NT5DC3: variants seen among roughly 807,000 people sequenced by gnomAD.
The protein encoded by NT5DC3 is 5'-nucleotidase domain-containing protein 3.
A neutral mutation model predicts 67.8 loss-of-function variants in NT5DC3; 42 were observed. That is an observed-to-expected ratio of 0.62 (90% CI 0.48 to 0.80). The LOEUF is 0.80. Ranked by LOEUF, NT5DC3 falls within the 30% of genes least tolerant of loss-of-function variation. NT5DC3 has a pLI of 0.00. For synonymous variants in NT5DC3, 237 were observed against 255.6 expected (o/e 0.93, Z 0.69); for missense variants, 570 against 696.4 (o/e 0.82, Z 2.04).
At chr12:103,750,658 G>T in the NT5DC3 span, 1 of 1,614,210 alleles carries the variant, frequency 6.2e-7, no homozygotes, top group Non-Finnish European at 8.5e-7. Context: ...CCCATTGACC[G>T]CTGCTTACAG....
chr12:103,821,780 C>T (rs779413929), intron 1 of NT5DC3: 2 of 152,180 alleles, frequency 1.3e-5, no homozygotes, highest in Non-Finnish European at 2.9e-5. Flanking sequence ...ACTTTTTAAC[C>T]TGGTATCAAA....
intron 1 of NT5DC3, among the ~76,000 whole-genome samples, chr12:103,831,533 AC>A (rs1887924917): frequency 6.6e-6 from 1 of 152,070 alleles, no homozygotes; most frequent in South Asian, 2.1e-4. Context: ...CTGCCCCCCC[AC>A]ACACAGAAAA....
At chr12:103,768,777 G>A (rs1364061124), downstream of NT5DC3, 1 of 151,388 alleles carries the variant, frequency 6.6e-6, no homozygotes, top group Non-Finnish European at 1.5e-5. Context: ...GTTTGTTGAG[G>A]ATGAAGTATC....
the NT5DC3 span, among the ~76,000 whole-genome samples, chr12:103,751,036 T>C: frequency 7.9e-5 from 12 of 152,176 alleles, no homozygotes; most frequent in Admixed American, 1.3e-4. Context: ...GCATGGGCAA[T>C]AGGACATCTT....
chr12:103,769,737 C>T (rs1885140427), downstream of NT5DC3, among the ~76,000 whole-genome samples: 1 of 152,254 alleles, frequency 6.6e-6, no homozygotes, highest in African/African-American at 2.4e-5. Flanking sequence ...AGCCTCTACC[C>T]AACATCTCTT....
chr12:103,750,452 C>G, the NT5DC3 span: 1 of 1,201,148 alleles, frequency 8.3e-7, no homozygotes, highest in Non-Finnish European at 1.2e-6. Flanking sequence ...TCCCACTGGA[C>G]AGGAAAGGCA....
intron 1 of NT5DC3, among the ~76,000 whole-genome samples, chr12:103,815,436 G>A (rs955387359): frequency 3.9e-5 from 6 of 152,128 alleles, no homozygotes; most frequent in Admixed American, 2.0e-4. Flanking sequence ...GGTTTTGGGG[G>A]ATTGAGATAA....
At chr12:103,755,167 C>A in the NT5DC3 span, 2 of 1,216,472 alleles carry the variant, frequency 1.6e-6, no homozygotes, top group Non-Finnish European at 1.2e-6. Flanking sequence ...CTACTGTGTG[C>A]CAGGCACAGA....
At chr12:103,821,950 T>C (rs1887507346) in intron 1 of NT5DC3, 1 of 152,264 alleles carries the variant, frequency 6.6e-6, no homozygotes, top group Non-Finnish European at 1.5e-5. Flanking sequence ...ATTCTGTCTC[T>C]GTCTAATGTC....
At chr12:103,768,540 G>GGA (rs202226467), downstream of NT5DC3, among the ~76,000 whole-genome samples, 1 of 5,966 alleles carries the variant, frequency 1.7e-4, no homozygotes, top group Non-Finnish European at 3.3e-4. Flanking sequence ...AGAGGGAGAG[G>GGA]GGGAGAGGGA....
At chr12:103,824,878 T>C (rs1887628589) in intron 1 of NT5DC3, among the ~76,000 whole-genome samples, 2 of 151,598 alleles carry the variant, frequency 1.3e-5, no homozygotes. Flanking sequence ...TGTAGTATCC[T>C]TGTAAATTGG....
At chr12:103,840,431 A>ATCTCC (rs1888357705) in intron 1 of NT5DC3, among the ~76,000 whole-genome samples, 7 of 149,042 alleles carry the variant, frequency 4.7e-5, no homozygotes, top group Admixed American at 2.0e-4. Flanking sequence ...ATTCCATCCC[A>ATCTCC]TTCCATCCCA....
the NT5DC3 span, chr12:103,749,017 C>T: frequency 6.2e-7 from 1 of 1,614,084 alleles, no homozygotes; most frequent in Non-Finnish European, 8.5e-7. Flanking sequence ...GCCAGATGCT[C>T]CCAGAAGGGC....
intron 1 of NT5DC3, among the ~76,000 whole-genome samples, chr12:103,834,945 T>C (rs1028565385): frequency 6.6e-6 from 1 of 152,222 alleles, no homozygotes; most frequent in African/African-American, 2.4e-5. Context: ...TCATCGGTAC[T>C]TCTTCTGACT....
rs759839417 is a variant in NT5DC3 at position 103,777,315 on chromosome 12, T to C, written c.*514A>G. On this transcript the variant is annotated 3_prime_UTR_variant, in exon 14 of 14. Transcript: ENST00000392876. ...GTCAAAGCCTTAGTACCAAATGATT[T>C]GGGAACTGGCCATCACCTGGGGAAC... The C allele has an allele frequency of 3.8e-5, 6 of 157,502 alleles. No homozygotes were observed. The highest frequency in any genetic ancestry group is 4.2e-5 in the Non-Finnish European group (3 of 71,028). 9.8% of individuals were successfully genotyped at this position (157,502 alleles called of 1,614,324 possible).
chr12:103,836,811 C>G (rs1253652611), intron 1 of NT5DC3, among the ~76,000 whole-genome samples: 2 of 151,914 alleles, frequency 1.3e-5, no homozygotes, highest in African/African-American at 4.8e-5. Context: ...GTACAGCCTC[C>G]CTCCCAGCTG....
chr12:103,792,886 AAG>A, intron 9 of NT5DC3, among the ~76,000 whole-genome samples: 1 of 152,352 alleles, frequency 6.6e-6, no homozygotes, highest in South Asian at 2.1e-4. Context: ...ACGTGATAAT[AAG>A]TTTGGCTTTC....
chr12:103,798,397 GT>G, intron 5 of NT5DC3, among the ~76,000 whole-genome samples, 189 bp downstream of exon 5: 1 of 152,326 alleles, frequency 6.6e-6, no homozygotes, highest in Middle Eastern at 3.4e-3. Flanking sequence ...CCTTCATCAG[GT>G]GGGGAGGAAG....
Position 103,777,792 on chromosome 12 carries a change from A to G in NT5DC3, c.*37T>C, listed in dbSNP as rs761397162. The G allele has an allele frequency of 2.5e-6, 4 of 1,583,006 alleles. No individual in the cohort carries two copies. The highest frequency in any genetic ancestry group is 1.4e-5 in the African/African-American group (1 of 73,942). ...AAGTCAACCCCATCATGCCTGCCCA[A>G]TCAGGGGCAGTTACAGTTTCTAGTT... On this transcript the variant is annotated 3_prime_UTR_variant, in exon 14 of 14. Transcript: ENST00000392876.
Sources: allele counts gnomAD v4.1 joint callset (sites outside exome capture counted in the v4.1 genomes callset), GRCh38; gene constraint gnomAD v4.1.1; transcripts MANE v1.5; gene names NCBI Gene and HGNC (gene_info 2026-07-23, HGNC 2026-07-21).